The following GFRAL variants were observed in gnomAD, a reference collection of about 807,000 sequenced individuals.
GFRAL encodes the protein GDNF family receptor alpha like.
Under a neutral mutation model 45.4 loss-of-function variants are expected in GFRAL, and 36 were observed. The ratio of observed to expected loss-of-function variants is 0.79; its 90% confidence interval spans 0.61 to 1.05. The LOEUF is 1.05. Ranked by LOEUF, GFRAL falls within the 50% of genes least tolerant of loss-of-function variation. GFRAL has a pLI of 0.00. For synonymous variants in GFRAL, 166 were observed against 154.1 expected (o/e 1.08, Z -0.57); for missense variants, 507 against 467.5 (o/e 1.08, Z -0.78).
At chr6:55,389,373 T>C (rs1196883720) in intron 6 of GFRAL, among the ~76,000 whole-genome samples, 1 of 152,084 alleles carries the variant, frequency 6.6e-6, no homozygotes, top group Non-Finnish European at 1.5e-5. Context: ...ACTTTTCCCT[T>C]GCCCTATTAA....
chr6:55,329,151 A>C (rs1581895860), intron 1 of GFRAL, among the ~76,000 whole-genome samples: 1 of 152,096 alleles, frequency 6.6e-6, no homozygotes, highest in South Asian at 2.1e-4. Flanking sequence ...AATAAGACAG[A>C]TTTTGGAGAG....
intron 3 of GFRAL, among the ~76,000 whole-genome samples, chr6:55,344,574 A>G (rs183761263): frequency 3.3e-3 from 497 of 152,350 alleles, no homozygotes; most frequent in African/African-American, 0.011. Context: ...ACAAACCCAC[A>G]GTCAATATCA....
chr6:55,364,849 G>A (rs1469923424), intron 6 of GFRAL, among the ~76,000 whole-genome samples: 2 of 152,146 alleles, frequency 1.3e-5, no homozygotes, highest in Admixed American at 6.5e-5. Context: ...TAGCCTTGTA[G>A]TATAGTTTGA....
At chr6:55,327,846 C>T (rs1432243484) in intron 1 of GFRAL, among the ~76,000 whole-genome samples, 1 of 151,960 alleles carries the variant, frequency 6.6e-6, no homozygotes, top group East Asian at 1.9e-4. Context: ...GACCCAATGA[C>T]TTTGAGTTAC....
intron 6 of GFRAL, among the ~76,000 whole-genome samples, chr6:55,380,401 C>A: frequency 6.6e-6 from 1 of 152,064 alleles, no homozygotes; most frequent in South Asian, 2.1e-4. Context: ...GTTCTCAAAT[C>A]TGGCTAATCC....
At chr6:55,400,582 C>G (rs1367090089) in intron 8 of GFRAL, among the ~76,000 whole-genome samples, 1 of 152,104 alleles carries the variant, frequency 6.6e-6, no homozygotes, top group Non-Finnish European at 1.5e-5. Context: ...CAAAATGTAT[C>G]CACTGTTTGG....
At chr6:55,369,961 G>GTGA (rs1174638021) in intron 6 of GFRAL, among the ~76,000 whole-genome samples, 1 of 152,150 alleles carries the variant, frequency 6.6e-6, no homozygotes, top group Non-Finnish European at 1.5e-5. Context: ...TGATCACAAA[G>GTGA]TGATGACCTG....
At chr6:55,347,691 G>A (rs1562051881) in intron 3 of GFRAL, among the ~76,000 whole-genome samples, 1 of 152,098 alleles carries the variant, frequency 6.6e-6, no homozygotes, top group Non-Finnish European at 1.5e-5. Flanking sequence ...TGATCTATAT[G>A]GGAAATGGGT....
At chr6:55,395,254 T>C (rs1768809676) in intron 6 of GFRAL, among the ~76,000 whole-genome samples, 2 of 151,002 alleles carry the variant, frequency 1.3e-5, no homozygotes, top group South Asian at 4.2e-4. Context: ...AGTTATTCAA[T>C]GTCAAATGAA....
chr6:55,327,709 A>G (rs989523004), intron 1 of GFRAL, 133 bp downstream of exon 1: 1 of 787,958 alleles, frequency 1.3e-6, no homozygotes, highest in African/African-American at 1.7e-5. Context: ...TTTATGCTTT[A>G]ACATGGTTTA....
chr6:55,352,531 T>G (rs1229271634), intron 5 of GFRAL, among the ~76,000 whole-genome samples: 2 of 152,090 alleles, frequency 1.3e-5, no homozygotes, highest in East Asian at 3.9e-4. Flanking sequence ...GCTGAAGTCC[T>G]ACTCTCTTTA....
In GFRAL at chr6:55,351,513, G is replaced by T; in HGVS notation, c.631G>T (p.Ala211Ser). The change falls in exon 5 of 9, where the codon GCA (alanine) becomes TCA (serine). Residue 211 changes from alanine (A) to serine (S), a missense_variant. Physicochemically the swap from Ala to Ser is moderately conservative, Grantham distance 99 (BLOSUM62 1). Coordinates refer to ENST00000340465, the MANE Select transcript of GFRAL (RefSeq NM_207410.2). ...AGAAGCTCTTCACAGCAAGACATGT[G>T]CAGTGAACATGGTTCCACCCCCTAC... ...SKEALHSKTCAVNMVPPPTCL... is the reference protein window; with the variant it reads ...SKEALHSKTCSVNMVPPPTCL... 6.2e-7 allele frequency: 1 copy of T among 1,613,182 alleles called. No homozygotes were observed.
chr6:55,356,857 T>A (rs1768201802), intron 5 of GFRAL, among the ~76,000 whole-genome samples: 1 of 151,948 alleles, frequency 6.6e-6, no homozygotes, highest in Non-Finnish European at 1.5e-5. Context: ...TTAATACTGC[T>A]TTTTCCATAT....
At chr6:55,371,270 T>C (rs1405767227) in intron 6 of GFRAL, among the ~76,000 whole-genome samples, 1 of 152,344 alleles carries the variant, frequency 6.6e-6, no homozygotes, top group South Asian at 2.1e-4. Context: ...GGTTGAACTA[T>C]AGAAATTCAT....
chr6:55,340,748 A>T (rs1562049341), intron 3 of GFRAL, among the ~76,000 whole-genome samples: 1 of 152,192 alleles, frequency 6.6e-6, no homozygotes, highest in South Asian at 2.1e-4. Context: ...GGGAAGCACA[A>T]GGGGTCAGGG....
At chr6:55,349,088 A>G (rs187550993) in intron 3 of GFRAL, among the ~76,000 whole-genome samples, 10 of 152,178 alleles carry the variant, frequency 6.6e-5, no homozygotes, top group African/African-American at 2.4e-4. Context: ...AAGAAGAAAG[A>G]GTGGTTCTCA....
intron 6 of GFRAL, among the ~76,000 whole-genome samples, chr6:55,389,476 TA>T (rs893188842): frequency 1.3e-5 from 2 of 152,014 alleles, no homozygotes; most frequent in African/African-American, 2.4e-5. Flanking sequence ...TTTCTTACTT[TA>T]AAAAAAATAG....
chr6:55,339,023 T>G (rs1767926762), intron 3 of GFRAL, among the ~76,000 whole-genome samples: 4 of 152,062 alleles, frequency 2.6e-5, no homozygotes, highest in African/African-American at 7.2e-5. Context: ...TAAAAAGCCA[T>G]CAAAATAATT....
chr6:55,382,232 T>G (rs1768620425), intron 6 of GFRAL, among the ~76,000 whole-genome samples: 1 of 151,966 alleles, frequency 6.6e-6, no homozygotes, highest in Non-Finnish European at 1.5e-5. Context: ...TTATAAATGT[T>G]TGTTTTTCCT....
Sources: allele counts gnomAD v4.1 joint callset (sites outside exome capture counted in the v4.1 genomes callset), GRCh38; gene constraint gnomAD v4.1.1; transcripts MANE v1.5; gene names NCBI Gene and HGNC (gene_info 2026-07-23, HGNC 2026-07-21).